The following PAPPA2 variants were observed in gnomAD, a reference collection of about 807,000 sequenced individuals.
PAPPA2 encodes the protein pappalysin 2.
PAPPA2 carries 86 observed loss-of-function variants against 176.4 expected under a neutral mutation model. That is an observed-to-expected ratio of 0.49 (90% CI 0.41 to 0.58). The LOEUF is 0.58. Ranked by LOEUF, PAPPA2 falls within the 20% of genes least tolerant of loss-of-function variation. The probability of loss-of-function intolerance (pLI) is 0.00; values close to 1 mark genes in which losing one functional copy is unlikely to be tolerated. For missense variants in PAPPA2, 2,073 were observed against 2,256.9 expected (o/e 0.92, Z 1.65); for synonymous variants, 809 against 852.2 (o/e 0.95, Z 0.88).
At chr1:176,790,019 C>T (rs756126786) in intron 18 of PAPPA2, 42 bp downstream of exon 18, 3 of 1,591,284 alleles carry the variant, frequency 1.9e-6, no homozygotes, top group Admixed American at 3.5e-5. Context: ...AGGCTGTGCT[C>T]TAATCTTGAT....
chr1:176,516,267 TTTAA>T, intron 1 of PAPPA2, among the ~76,000 whole-genome samples: 1 of 145,248 alleles, frequency 6.9e-6, no homozygotes, highest in East Asian at 1.9e-4. Context: ...ATGAAGAGAG[TTTAA>T]TTCTTTTTTT....
chr1:176,651,111 A>C (rs891736200), intron 3 of PAPPA2, among the ~76,000 whole-genome samples: 2 of 151,698 alleles, frequency 1.3e-5, no homozygotes, highest in African/African-American at 4.8e-5. Context: ...AGCTATTATT[A>C]GTTTTGATAG....
chr1:176,545,937 CT>C lies in PAPPA2; in HGVS notation c.-916-9467del, dbSNP rs572485682. Among the ~76,000 whole-genome samples the C allele has an allele frequency of 1.7e-3, 262 of 152,174 alleles. 1 individual carries two copies. The highest frequency in any genetic ancestry group is 3.0e-3 in the Non-Finnish European group (206 of 68,008). On this transcript the variant is annotated intron_variant, in intron 1 of 22. Transcript: ENST00000367662. ...GGTCTCCCTCATGGAAATGTAATTT[CT>C]TTGGATTCTTTTGAGGCACACTTAC...
At chr1:176,530,568 C>T (rs1649754309) in intron 1 of PAPPA2, among the ~76,000 whole-genome samples, 1 of 151,798 alleles carries the variant, frequency 6.6e-6, no homozygotes, top group South Asian at 2.1e-4. Flanking sequence ...AGCAATCCAT[C>T]TTCAGTAAGT....
chr1:176,777,451 T>A (rs1394599074), intron 17 of PAPPA2, among the ~76,000 whole-genome samples: 1 of 152,028 alleles, frequency 6.6e-6, no homozygotes, highest in Non-Finnish European at 1.5e-5. Flanking sequence ...ATTGGGAAAA[T>A]TTTTTTGGAA....
intron 12 of PAPPA2, among the ~76,000 whole-genome samples, chr1:176,722,718 G>A (rs1049635859): frequency 1.3e-5 from 2 of 151,976 alleles, no homozygotes; most frequent in Admixed American, 1.3e-4. Context: ...ATTATTATTA[G>A]ACTTTTAAGT....
At chr1:176,642,918 T>A (rs527957153) in intron 3 of PAPPA2, among the ~76,000 whole-genome samples, 1 of 152,074 alleles carries the variant, frequency 6.6e-6, no homozygotes, top group African/African-American at 2.4e-5. Context: ...TTTTTGAGGA[T>A]GTAGAAATTC....
At position 176,695,719 on chromosome 1, in the gene PAPPA2, C is replaced by T; in HGVS notation, c.2625-19C>T. On this transcript the variant is annotated intron_variant, in intron 6 of 22. Transcript: ENST00000367662. ...ATGGACTCTCCTCATCTCCCATCTC[C>T]ATCCCTTTATCTCCCCAGGGCCTCA... 2 of 1,613,478 alleles carry T rather than the reference C, an allele frequency of 1.2e-6. No individual in the cohort carries two copies. The highest frequency in any genetic ancestry group is 2.2e-5 in the South Asian group (2 of 90,996).
intron 2 of PAPPA2, among the ~76,000 whole-genome samples, chr1:176,561,112 A>G (rs1222136342): frequency 6.6e-6 from 1 of 152,206 alleles, no homozygotes; most frequent in Non-Finnish European, 1.5e-5. Context: ...AACAGATTCC[A>G]TCTCTGACGC....
chr1:176,701,130 CTTTGA>C (rs953839868), intron 8 of PAPPA2, among the ~76,000 whole-genome samples: 3 of 151,976 alleles, frequency 2.0e-5, no homozygotes, highest in African/African-American at 7.3e-5. Flanking sequence ...TGAGGCTTAA[CTTTGA>C]TTTGGTTCAA....
At chr1:176,656,765 C>CCT (rs750068633) in intron 3 of PAPPA2, among the ~76,000 whole-genome samples, 3 of 147,180 alleles carry the variant, frequency 2.0e-5, no homozygotes, top group South Asian at 2.2e-4. Context: ...CTGTAATCTC[C>CCT]CTCTCTCTCT....
intron 4 of PAPPA2, among the ~76,000 whole-genome samples, chr1:176,689,807 T>C (rs752318528): frequency 6.6e-6 from 1 of 152,198 alleles, no homozygotes; most frequent in Non-Finnish European, 1.5e-5. Flanking sequence ...TGGGGTAGTA[T>C]TTGAACCCCT....
At chr1:176,467,754 G>A (rs987996216) in intron 1 of PAPPA2, among the ~76,000 whole-genome samples, 1 of 152,182 alleles carries the variant, frequency 6.6e-6, no homozygotes, top group Non-Finnish European at 1.5e-5. Context: ...TGGCACTTCA[G>A]TACAAACCAC....
At chr1:176,707,803 AT>A (rs1249962239) in intron 10 of PAPPA2, among the ~76,000 whole-genome samples, 4 of 151,912 alleles carry the variant, frequency 2.6e-5, no homozygotes, top group Non-Finnish European at 5.9e-5. Context: ...GAGGATATAT[AT>A]TTTTTTCTGT....
intron 1 of PAPPA2, chr1:176,537,409 A>C (rs1334749182): frequency 2.0e-5 from 3 of 152,202 alleles, no homozygotes; most frequent in Non-Finnish European, 4.4e-5. Context: ...AATGCTTTCT[A>C]ATTAGTCCCT....
chr1:176,499,516 A>T (rs1440662589), intron 1 of PAPPA2, among the ~76,000 whole-genome samples: 1 of 152,192 alleles, frequency 6.6e-6, no homozygotes, highest in Non-Finnish European at 1.5e-5. Flanking sequence ...ATCTTAGTGA[A>T]GAAAAGGGCA....
In PAPPA2 at chr1:176,699,314, G is replaced by T; in HGVS notation, c.2961G>T (p.Leu987Phe). 1 of 1,614,168 alleles carries T rather than the reference G, an allele frequency of 6.2e-7. No individual in the cohort carries two copies. Among genetic ancestry groups the T allele is most frequent in the South Asian group, 1.1e-5 (1 of 91,078 alleles). The change falls in exon 8 of 23, where the codon TTG becomes TTT. Residue 987 changes from leucine (L) to phenylalanine (F), a missense_variant. Around this residue, in one of 4 missense-constraint regions of PAPPA2, gnomAD observed 1,196 missense variants for 1,330.4 expected, o/e 0.90. Transcript: ENST00000367662. ...SSQVLFDTEILLENKESVHLG... is the reference protein window; with the variant it reads ...SSQVLFDTEIFLENKESVHLG... ...AGGTCCTCTTTGACACAGAGATCTT[G>T]CTGGAAAACAAGGAGTCAGTGCACC...
chr1:176,797,709 A>G (rs1571342977), intron 20 of PAPPA2, among the ~76,000 whole-genome samples: 1 of 152,200 alleles, frequency 6.6e-6, no homozygotes, highest in Admixed American at 6.6e-5. Context: ...ACCAGGAGCC[A>G]GCCCTTCCCT....
chr1:176,589,666 A>G (rs1324560903), intron 2 of PAPPA2, among the ~76,000 whole-genome samples: 1 of 152,222 alleles, frequency 6.6e-6, no homozygotes, highest in African/African-American at 2.4e-5. Context: ...TTCATAAATC[A>G]TATTCATGTA....
Sources: allele counts gnomAD v4.1 joint callset (sites outside exome capture counted in the v4.1 genomes callset), GRCh38; gene constraint gnomAD v4.1.1; regional missense constraint gnomAD v4.1.1; transcripts MANE v1.5; gene names NCBI Gene and HGNC (gene_info 2026-07-23, HGNC 2026-07-21).